The following DNHD1 variants were observed in gnomAD, a reference collection of about 807,000 sequenced individuals.
The protein encoded by DNHD1 is dynein heavy chain domain 1.
In DNHD1, 383 loss-of-function variants were observed where a neutral mutation model predicts 458.1. That is an observed-to-expected ratio of 0.84 (90% CI 0.77 to 0.91). The LOEUF is 0.91. DNHD1 is among the 40% of genes least tolerant of loss of function. The pLI is 0.00. For missense variants in DNHD1, 5,336 were observed against 5,866.1 expected (o/e 0.91, Z 2.95); for synonymous variants, 2,203 against 2,376.9 (o/e 0.93, Z 2.13).
At position 6,571,505 on chromosome 11, in the gene DNHD1, A is replaced by G. The variant is rs369288420; in HGVS notation, c.13911+82A>G. ...ACCTCGCAGTTACCCCTTCTTGGTGATCTTGCCCCCGGTAACCCTGCTAGC... is the reference window on the plus strand; with the variant it reads ...ACCTCGCAGTTACCCCTTCTTGGTGGTCTTGCCCCCGGTAACCCTGCTAGC... On this transcript the variant is annotated intron_variant, in intron 42 of 42. Coordinates refer to ENST00000254579, the MANE Select transcript of DNHD1 (RefSeq NM_144666.3). This position sits in a 1 kb window ranked among gnomAD's most constrained non-coding sequence, Gnocchi z 5.0. 4.1e-6 allele frequency: 6 copies of G among 1,468,172 alleles called. No individual in the cohort carries two copies. The South Asian group carries it at 4.2e-5, about 10-fold the overall frequency. The allele number at this position is 1,468,172 out of a possible 1,614,324, so 90.9% of individuals were successfully genotyped here.
At position 6,548,186 on chromosome 11, in the gene DNHD1, T is replaced by A. The variant is rs1334509883; in HGVS notation, c.6906-24T>A. 1 of 1,550,306 alleles carries A rather than the reference T, an allele frequency of 6.5e-7. No homozygotes were observed. The highest frequency in any genetic ancestry group is 1.2e-5 in the South Asian group (1 of 84,026). ...GAAGTGTTGTAACTGTCTGACGCTT[T>A]TGCCTGTGTGTCCATCTGAGCAGGT... On this transcript the variant is annotated intron_variant, in intron 22 of 42. Transcript: ENST00000254579. This position sits in a 1 kb window ranked among gnomAD's most constrained non-coding sequence, Gnocchi z 4.4.
Position 6,498,904 on chromosome 11 carries a change from A to G in DNHD1, c.689A>G (p.Tyr230Cys). 1 of 1,613,688 alleles carries G rather than the reference A, an allele frequency of 6.2e-7. No homozygotes were observed. Among genetic ancestry groups the G allele is most frequent in the Non-Finnish European group, 8.5e-7 (1 of 1,179,810 alleles). Residue 230 changes from tyrosine to cysteine, a missense_variant, in exon 3 of 43, where the codon TAT becomes TGT. By Grantham distance (194) the Tyr-to-Cys change is radical. Coordinates refer to ENST00000254579, the MANE Select transcript of DNHD1 (RefSeq NM_144666.3). ...CTGGCAGCGGACATCCCTGTACGGTATGAAAGCAGTGACACTGACAATGCA... is the reference window on the plus strand; with the variant it reads ...CTGGCAGCGGACATCCCTGTACGGTGTGAAAGCAGTGACACTGACAATGCA... Reference protein sequence around the residue: ...LALAADIPVRYESSDTDNAEV... With the variant: ...LALAADIPVRCESSDTDNAEV...
chr11:6,570,584 A>T, intron 41 of DNHD1, 34 bp from the exon 42 acceptor site: 3 of 1,550,332 alleles, frequency 1.9e-6, no homozygotes, highest in Non-Finnish European at 2.6e-6. Flanking sequence ...GGGAGAGTCC[A>T]TCTTGTCCCT....
At position 6,567,376 on chromosome 11, in the gene DNHD1, C is replaced by T. The variant is rs773171853; in HGVS notation, c.11867C>T (p.Ala3956Val). 3 of 1,613,966 alleles carry T rather than the reference C, an allele frequency of 1.9e-6. No homozygotes were observed. In the South Asian group the frequency reaches 3.3e-5, roughly 18 times the overall value. The change falls in exon 36 of 43, where the codon GCA becomes GTA. Residue 3956 changes from alanine (A) to valine (V), a missense_variant. Physicochemically the swap from Ala to Val is moderately conservative, Grantham distance 64. Transcript: ENST00000254579. ...TGKASELERLALWPGLAASPS... is the reference protein window; with the variant it reads ...TGKASELERLVLWPGLAASPS... ...AAAGCATCAGAGCTGGAAAGACTGG[C>T]ACTCTGGCCTGGACTAGCAGCCTCT...
rs562214952 is a variant in DNHD1 at position 6,537,847 on chromosome 11, C to T, written c.2999-536C>T. Among the ~76,000 whole-genome samples the T allele has an allele frequency of 8.5e-5, 13 of 152,260 alleles. No individual in the cohort carries two copies. The South Asian group carries it at 1.9e-3, about 22-fold the overall frequency. ...TTGGGAGGCTGAGGCAGGAGAATCA[C>T]TTGAACCCGGGAGGCAGAGGTTGCA... On this transcript the variant is annotated intron_variant, in intron 14 of 42. Coordinates refer to ENST00000254579, the MANE Select transcript of DNHD1 (RefSeq NM_144666.3).
intron 36 of DNHD1, 69 bp downstream of exon 36, chr11:6,567,929 C>T: frequency 6.7e-7 from 1 of 1,489,540 alleles, no homozygotes; most frequent in Middle Eastern, 1.9e-4. Context: ...GGACCCCCTC[C>T]AAGCATTTTC....
chr11:6,506,775 G>C (rs1341738393), intron 4 of DNHD1, among the ~76,000 whole-genome samples: 1 of 151,950 alleles, frequency 6.6e-6, no homozygotes, highest in Non-Finnish European at 1.5e-5. Context: ...CCCCCTTCCT[G>C]TTGTTAATTA....
rs1443999294 is a variant in DNHD1, at chr11:6,545,916, G to T, written c.4977G>T (p.Gly1659=). 7.7e-6 allele frequency: 12 copies of T among 1,551,678 alleles called. No homozygotes were observed. The highest frequency in any genetic ancestry group is 3.9e-5 in the Admixed American group (2 of 50,994). The stretch of plus-strand genomic sequence containing the variant: ...ACGAGTATCTGGGACCTAGACTAGG[G>T]CCTCTACCCAGCCTACTGCCTGAAC... The part of the protein sequence containing the change: ...YNYEYLGPRL[G]PLPSLLPERP... The change falls in exon 21 of 43, where the codon GGG becomes GGT. Residue 1659 remains glycine (G), a synonymous_variant. Coordinates refer to ENST00000254579, the MANE Select transcript of DNHD1 (RefSeq NM_144666.3). This position sits in a 1 kb window ranked among gnomAD's most constrained non-coding sequence, Gnocchi z 4.9.
At position 6,557,976 on chromosome 11, in the gene DNHD1, G is replaced by C. The variant is rs752268058; in HGVS notation, c.8681G>C (p.Gly2894Ala). 6.4e-7 allele frequency: 1 copy of C among 1,551,648 alleles called. No individual in the cohort carries two copies. The highest frequency in any genetic ancestry group is 1.2e-5 in the South Asian group (1 of 84,052). ...QHGLLLSGALGTGRHTAITLA... is the reference protein window; with the variant it reads ...QHGLLLSGALATGRHTAITLA... ...GGCCTGCTGCTCTCGGGGGCTCTGG[G>C]TACTGGGCGCCACACTGCCATCACT... The change falls in exon 25 of 43, where the codon GGT becomes GCT. Residue 2894 changes from glycine to alanine, a missense_variant. Around this residue, in one of 4 missense-constraint regions of DNHD1, gnomAD observed 3,932 missense variants for 4,365.6 expected, o/e 0.90. Coordinates refer to ENST00000254579, the MANE Select transcript of DNHD1 (RefSeq NM_144666.3).
chr11:6,520,631 A>G, intron 10 of DNHD1: 1 of 1,127,658 alleles, frequency 8.9e-7, no homozygotes, highest in Non-Finnish European at 1.1e-6. Context: ...TTTTATTGCT[A>G]AGTAAATTTG....
chr11:6,536,823 T>C (rs1852961846), intron 14 of DNHD1, among the ~76,000 whole-genome samples: 1 of 152,280 alleles, frequency 6.6e-6, no homozygotes, highest in Admixed American at 6.5e-5. Flanking sequence ...TGAAGTTGTT[T>C]ATTTGTCTAA....
At chr11:6,500,513 A>G (rs1475474382) in intron 3 of DNHD1, among the ~76,000 whole-genome samples, 1 of 152,228 alleles carries the variant, frequency 6.6e-6, no homozygotes, top group Non-Finnish European at 1.5e-5. Context: ...CCATAAATTT[A>G]TGGTGGCCCT....
Position 6,556,743 on chromosome 11 carries a change from T to G in DNHD1, c.7448T>G (p.Val2483Gly). Reference protein sequence around the residue: ...ETLRQAMDGTVYAHSTLELQT... With the variant: ...ETLRQAMDGTGYAHSTLELQT... ...CTGCGCCAGGCCATGGATGGCACTG[T>G]GTATGCCCACAGCACCTTGGAACTG... The change falls in exon 25 of 43, where the codon GTG becomes GGG. Residue 2483 changes from valine (V) to glycine (G), a missense_variant. Transcript: ENST00000254579. 6.4e-7 allele frequency: 1 copy of G among 1,551,598 alleles called. No homozygotes were observed. The highest frequency in any genetic ancestry group is 8.7e-7 in the Non-Finnish European group (1 of 1,146,894).
intron 12 of DNHD1, among the ~76,000 whole-genome samples, chr11:6,531,186 C>A (rs1272875030): frequency 2.6e-5 from 4 of 152,106 alleles, no homozygotes; most frequent in African/African-American, 7.2e-5. Context: ...TTTTATCTAA[C>A]CCTCTGACTT....
At chr11:6,504,173 A>G (rs1852187581) in intron 4 of DNHD1, 1 of 152,248 alleles carries the variant, frequency 6.6e-6, no homozygotes, top group African/African-American at 2.4e-5. Flanking sequence ...TTACTGATCA[A>G]TTCATTTAAT....
Position 6,509,101 on chromosome 11 carries a change from T to C in DNHD1, c.1124+18T>C. ...TTTACCTGGTAGGTAATGACGGATATGTGATTTGGGGGGAAATGGATGACA... is the reference window on the plus strand; with the variant it reads ...TTTACCTGGTAGGTAATGACGGATACGTGATTTGGGGGGAAATGGATGACA... On this transcript the variant is annotated intron_variant, in intron 5 of 42. Transcript: ENST00000254579. The C allele has an allele frequency of 1.2e-6, 2 of 1,614,138 alleles. No individual in the cohort carries two copies. Among genetic ancestry groups the C allele is most frequent in the South Asian group, 1.1e-5 (1 of 91,076 alleles).
intron 13 of DNHD1, among the ~76,000 whole-genome samples, 154 bp from the exon 14 acceptor site, chr11:6,533,527 C>T (rs570389029): frequency 1.3e-4 from 20 of 152,284 alleles, no homozygotes; most frequent in Non-Finnish European, 2.8e-4. Context: ...CTGGAGAGAT[C>T]CCTCAGGAGA....
rs765313782 is a variant in DNHD1, at chr11:6,566,664, C to T, written c.11284C>T (p.Leu3762=). The part of the protein sequence containing the change: ...LNMEILEEQM[L]HEILCREYPE... The stretch of plus-strand genomic sequence containing the variant: ...CATGGAAATACTGGAAGAACAGATG[C>T]TGCATGAAATCTTGTGCAGAGAGTA... The change falls in exon 35 of 43, where the codon CTG becomes TTG. Residue 3762 remains leucine (L), a synonymous_variant. Coordinates refer to ENST00000254579, the MANE Select transcript of DNHD1 (RefSeq NM_144666.3). 1 of 1,613,600 alleles carries T rather than the reference C, an allele frequency of 6.2e-7. No homozygotes were observed. Among genetic ancestry groups the T allele is most frequent in the Non-Finnish European group, 8.5e-7 (1 of 1,179,752 alleles).
At chr11:6,569,682 G>A (rs1225719966) in intron 39 of DNHD1, among the ~76,000 whole-genome samples, 1 of 152,182 alleles carries the variant, frequency 6.6e-6, no homozygotes, top group African/African-American at 2.4e-5. Context: ...AAGTCTCCAG[G>A]GAAGAGATTG....
Sources: gnomAD v4.1 joint callset for allele counts (sites outside exome capture counted in the v4.1 genomes callset) on GRCh38, gnomAD v4.1.1 for gene constraint, gnomAD v4.1.1 regional missense constraint, Gnocchi (gnomAD v3.1) non-coding constraint, MANE v1.5 for transcripts, NCBI Gene and HGNC (gene_info 2026-07-23, HGNC 2026-07-21) for gene names.